The following NCAM1 variants were observed in gnomAD, a reference collection of about 807,000 sequenced individuals.
NCAM1 encodes the protein neural cell adhesion molecule 1, also known as antigen recognized by monoclonal antibody 5.1H11.
Under a neutral mutation model 109.8 loss-of-function variants are expected in NCAM1, and 14 were observed. The ratio of observed to expected loss-of-function variants is 0.13; its 90% confidence interval spans 0.08 to 0.20. The LOEUF (loss-of-function observed/expected upper bound fraction) is 0.20. Among genes scored for constraint, NCAM1 ranks in the 10% least tolerant of loss-of-function variants. The pLI, the probability that NCAM1 is intolerant of heterozygous loss-of-function variation, is 1.00. For missense variants in NCAM1, 774 were observed against 1,109.9 expected (o/e 0.70, Z 4.30); for synonymous variants, 418 against 442.9 (o/e 0.94, Z 0.70).
intron 1 of NCAM1, chr11:113,132,814 T>C (rs1322927098): frequency 1.3e-5 from 2 of 152,332 alleles, no homozygotes; most frequent in African/African-American, 4.8e-5. Context: ...ACCCACCCCA[T>C]AGAGGTCTGT....
chr11:112,983,653 A>G (rs1253456134), intron 1 of NCAM1, among the ~76,000 whole-genome samples: 1 of 151,988 alleles, frequency 6.6e-6, no homozygotes, highest in Admixed American at 6.6e-5. Flanking sequence ...TTATCATAAT[A>G]GCCAAATGGA....
intron 1 of NCAM1, among the ~76,000 whole-genome samples, chr11:112,976,415 A>G (rs1474013784): frequency 6.6e-6 from 1 of 151,934 alleles, no homozygotes; most frequent in African/African-American, 2.4e-5. Context: ...AAATTATTAA[A>G]TGTACAAAGG....
intron 1 of NCAM1, among the ~76,000 whole-genome samples, chr11:113,078,680 T>C (rs1267654990): frequency 6.6e-6 from 1 of 152,134 alleles, no homozygotes; most frequent in Non-Finnish European, 1.5e-5. Flanking sequence ...TAGTGAGTCA[T>C]CTAGGCCATC....
chr11:113,121,954 T>G (rs898698186), intron 1 of NCAM1, among the ~76,000 whole-genome samples: 23 of 152,242 alleles, frequency 1.5e-4, no homozygotes, highest in African/African-American at 5.3e-4. Context: ...TTGCACTGAT[T>G]CCTGTCTCAG....
intron 1 of NCAM1, among the ~76,000 whole-genome samples, chr11:113,004,823 A>ATTT (rs35826341): frequency 0.01 from 1,529 of 147,704 alleles, 22 homozygotes; most frequent in African/African-American, 0.034. Context: ...TGATTCTTTG[A>ATTT]TTTTTTTTTT....
chr11:113,171,332 C>T lies in NCAM1; in HGVS notation c.53-31047C>T, dbSNP rs544709844. On this transcript the variant is annotated intron_variant, in intron 1 of 19. Transcript: ENST00000316851. ...GGGGAGGCATGTGGCTTGAAATGCT[C>T]ATGAGAAGGGATAACTTTCCTGGGC... Among the ~76,000 whole-genome samples, 20 of 152,236 alleles carry T rather than the reference C, an allele frequency of 1.3e-4. No individual in the cohort carries two copies. In the South Asian group the frequency reaches 2.7e-3, roughly 21 times the overall value.
At chr11:113,052,072 C>T (rs1953519859) in intron 1 of NCAM1, among the ~76,000 whole-genome samples, 1 of 152,164 alleles carries the variant, frequency 6.6e-6, no homozygotes, top group Admixed American at 6.5e-5. Context: ...TTAAGTTTCC[C>T]TTCATAGGGA....
At chr11:113,090,371 G>A (rs771195107) in intron 1 of NCAM1, among the ~76,000 whole-genome samples, 4 of 152,190 alleles carry the variant, frequency 2.6e-5, no homozygotes, top group Non-Finnish European at 5.9e-5. Context: ...GAACAATAAA[G>A]CAGGACAGCA....
intron 1 of NCAM1, among the ~76,000 whole-genome samples, chr11:113,135,113 G>A (rs150815028): frequency 1.3e-5 from 2 of 152,290 alleles, no homozygotes; most frequent in East Asian, 3.9e-4. Flanking sequence ...AGTGGAAAGG[G>A]TGGGAGCTAA....
Position 113,120,950 on chromosome 11 carries a change from G to T in NCAM1, c.53-81429G>T, listed in dbSNP as rs184279553. Among the ~76,000 whole-genome samples, 3 of 152,250 alleles carry T rather than the reference G, an allele frequency of 2.0e-5. No individual in the cohort carries two copies. In the East Asian group the frequency reaches 5.8e-4, roughly 29 times the overall value. On this transcript the variant is annotated intron_variant, in intron 1 of 19. Coordinates refer to ENST00000316851, the MANE Select transcript of NCAM1 (RefSeq NM_181351.5). ...GACCTGAGAACAGAGGATGGTTTGG[G>T]ATGATTAGCTAGGCTCTAGGTGTGA...
In NCAM1 at chr11:113,205,739, A is replaced by T. The variant is rs142086348; in HGVS notation, c.490+73A>T. The T allele has an allele frequency of 5.4e-3, 8,340 of 1,532,570 alleles. 45 individuals are homozygous for T. The highest frequency in any genetic ancestry group is 7.4e-3 in the Middle Eastern group (41 of 5,542). 94.9% of individuals were successfully genotyped at this position (1,532,570 alleles called of 1,614,324 possible). ...TTCCCTAGCTTTTTCACCTGTACTG[A>T]GGCATTCCAGTCCAAACTCCAATTC... On this transcript the variant is annotated intron_variant, in intron 4 of 19. Coordinates refer to ENST00000316851, the MANE Select transcript of NCAM1 (RefSeq NM_181351.5).
intron 1 of NCAM1, among the ~76,000 whole-genome samples, chr11:113,135,315 A>G (rs139257497): frequency 3.3e-5 from 5 of 152,354 alleles, no homozygotes; most frequent in South Asian, 2.1e-4. Flanking sequence ...GTAAAAAAGC[A>G]TCAAGAATGT....
intron 1 of NCAM1, among the ~76,000 whole-genome samples, chr11:113,034,885 A>G (rs1952821185): frequency 6.6e-6 from 1 of 152,208 alleles, no homozygotes; most frequent in Admixed American, 6.5e-5. Flanking sequence ...TATTCTCCTT[A>G]GACATTTAAA....
chr11:112,994,805 G>A (rs1555071135), intron 1 of NCAM1, among the ~76,000 whole-genome samples: 1 of 152,064 alleles, frequency 6.6e-6, no homozygotes, highest in Non-Finnish European at 1.5e-5. Flanking sequence ...GCTTCTTTAG[G>A]CACTATTTTG....
chr11:113,130,385 C>T (rs925010153), intron 1 of NCAM1, among the ~76,000 whole-genome samples: 9 of 152,186 alleles, frequency 5.9e-5, no homozygotes, highest in Non-Finnish European at 4.4e-5. Context: ...GAGAAAATCC[C>T]TGCCTTCATT....
chr11:113,036,684 C>T (rs1347520922), intron 1 of NCAM1, among the ~76,000 whole-genome samples: 1 of 152,096 alleles, frequency 6.6e-6, no homozygotes. Context: ...TCCTTGGAGC[C>T]CTTTGCTATT....
At chr11:113,081,233 G>A (rs1938798994) in intron 1 of NCAM1, among the ~76,000 whole-genome samples, 1 of 149,684 alleles carries the variant, frequency 6.7e-6, no homozygotes, top group African/African-American at 2.5e-5. Flanking sequence ...CAGAGCAGGG[G>A]GAAGGAGACT....
At chr11:113,194,578 G>T (rs1184058659) in intron 1 of NCAM1, among the ~76,000 whole-genome samples, 1 of 152,186 alleles carries the variant, frequency 6.6e-6, no homozygotes, top group African/African-American at 2.4e-5. Context: ...TATGTTATCT[G>T]AAAGTTGTCT....
chr11:113,186,847 G>A (rs1323220086), intron 1 of NCAM1, among the ~76,000 whole-genome samples: 2 of 152,264 alleles, frequency 1.3e-5, no homozygotes, highest in Admixed American at 1.3e-4. Flanking sequence ...TGCGAAGCCA[G>A]TGTCCCAGCT....
Sources: gnomAD v4.1 joint callset for allele counts (sites outside exome capture counted in the v4.1 genomes callset) on GRCh38, gnomAD v4.1.1 for gene constraint, MANE v1.5 for transcripts, NCBI Gene and HGNC (gene_info 2026-07-23, HGNC 2026-07-21) for gene names.